The following EEF1AKMT3 variants were observed in gnomAD, a reference collection of about 807,000 sequenced individuals.
The protein encoded by EEF1AKMT3 is EEF1A lysine methyltransferase 3, also known as eEF1A-KMT3.
EEF1AKMT3 carries 17 observed loss-of-function variants against 17.8 expected under a neutral mutation model. The ratio of observed to expected loss-of-function variants is 0.96; its 90% CI spans 0.65 to 1.43. EEF1AKMT3 has a LOEUF of 1.43. EEF1AKMT3 is among the 40% of genes most tolerant of loss of function. EEF1AKMT3 has a pLI of 0.00. For missense variants in EEF1AKMT3, 244 were observed against 285.8 expected, an observed-to-expected ratio of 0.85 and a Z score of 1.06; for synonymous variants, 116 against 126.5, an observed-to-expected ratio of 0.92 and a Z score of 0.56.
In EEF1AKMT3 at chr12:57,773,042, A is replaced by T. The variant is rs763716913; in HGVS notation, c.203A>T (p.Glu68Val). 6.2e-7 allele frequency: 1 copy of T among 1,614,028 alleles called. No individual in the cohort carries two copies. Among genetic ancestry groups the T allele is most frequent in the South Asian group, 1.1e-5 (1 of 91,076 alleles). Residue 68 changes from glutamate (E) to valine (V), a missense_variant, in exon 2 of 3, where the codon GAG (glutamate) becomes GTG (valine). Transcript: ENST00000300209. ...DAALSLCNYF[E>V]SQNVDFRGKK... Reference sequence around the variant, plus strand: ...GCCCTGAGCCTGTGCAATTATTTCGAGAGTCAAAATGTGGATTTCCGAGGC... The same window carrying T: ...GCCCTGAGCCTGTGCAATTATTTCGTGAGTCAAAATGTGGATTTCCGAGGC...
chr12:57,774,949 T>C (rs1388448456), intron 2 of EEF1AKMT3, among the ~76,000 whole-genome samples: 1 of 151,384 alleles, frequency 6.6e-6, no homozygotes, highest in African/African-American at 2.4e-5. Flanking sequence ...CTACTAAAAA[T>C]ACAACATTAG....
intron 2 of EEF1AKMT3, among the ~76,000 whole-genome samples, chr12:57,773,389 A>C (rs1368813215): frequency 6.6e-6 from 1 of 151,622 alleles, no homozygotes; most frequent in Non-Finnish European, 1.5e-5. Context: ...GCCTATAAGA[A>C]GGAGTTGTTT....
intron 2 of EEF1AKMT3, among the ~76,000 whole-genome samples, chr12:57,775,659 C>T (rs927099543): frequency 2.0e-5 from 3 of 152,210 alleles, no homozygotes; most frequent in Non-Finnish European, 2.9e-5. Context: ...GAAGTATTAT[C>T]TTTTCAGCAT....
chr12:57,774,605 T>C, intron 2 of EEF1AKMT3: 1 of 1,084,154 alleles, frequency 9.2e-7, no homozygotes, highest in South Asian at 1.3e-5. Context: ...CAACAATAAA[T>C]AAGACAGATT....
Position 57,781,763 on chromosome 12 carries a change from A to G in EEF1AKMT3, c.*1117A>G, listed in dbSNP as rs1004389212. The G allele has an allele frequency of 2.6e-5, 4 of 151,946 alleles. No individual in the cohort carries two copies. The highest frequency in any genetic ancestry group is 5.9e-5 in the Non-Finnish European group (4 of 68,010). The allele number at this position is 151,946 out of a possible 1,614,324, so 9.4% of individuals were successfully genotyped here. A position where few individuals can be genotyped will look rare whatever the true frequency, so the allele number is the denominator to read the frequency against. On this transcript the variant is annotated 3_prime_UTR_variant, in exon 3 of 3. Coordinates refer to ENST00000300209, the MANE Select transcript of EEF1AKMT3 (RefSeq NM_015433.3). ...GCCTTAACCTCTTTTCTCTTCCCACATTGGTACTTCTGGTTGGGGCTCTCT... is the reference window on the plus strand; with the variant it reads ...GCCTTAACCTCTTTTCTCTTCCCACGTTGGTACTTCTGGTTGGGGCTCTCT...
rs1416639970 is a variant in EEF1AKMT3 at position 57,781,252 on chromosome 12, G to A, written c.*606G>A. On this transcript the variant is annotated 3_prime_UTR_variant, in exon 3 of 3. Coordinates refer to ENST00000300209, the MANE Select transcript of EEF1AKMT3 (RefSeq NM_015433.3). Reference sequence around the variant, plus strand: ...TTTTTGTATTTTCAGTAGAGACAGGGTTTCGCCATGTTGCCCAGGGTGGTC... The same window carrying A: ...TTTTTGTATTTTCAGTAGAGACAGGATTTCGCCATGTTGCCCAGGGTGGTC... 6.5e-6 allele frequency: 1 copy of A among 152,732 alleles called. No homozygotes were observed. Among genetic ancestry groups the A allele is most frequent in the African/African-American group, 2.4e-5 (1 of 41,340 alleles). 9.5% of individuals were successfully genotyped at this position (152,732 alleles called of 1,614,324 possible).
chr12:57,772,722 C>CT lies in EEF1AKMT3; in HGVS notation c.-3_-2insT. On this transcript the variant is annotated 5_prime_UTR_variant, in exon 1 of 3. Coordinates refer to ENST00000300209, the MANE Select transcript of EEF1AKMT3 (RefSeq NM_015433.3). The surrounding 1 kb of genome is among the most constrained non-coding windows in gnomAD (Gnocchi z 4.1). ...GTGCCCAGGCACTCCCTTGGCGGGC[C>CT]GGATGGCGGACCCCGGCCCAGATCC... The CT allele has an allele frequency of 6.2e-7, 1 of 1,611,298 alleles. No homozygotes were observed.
chr12:57,774,721 A>G (rs774003054), intron 2 of EEF1AKMT3: 3 of 1,612,874 alleles, frequency 1.9e-6, no homozygotes, highest in Non-Finnish European at 2.5e-6. Context: ...TGCTCTATCC[A>G]TGTCTACCAT....
At chr12:57,773,791 C>A (rs757941754) in intron 2 of EEF1AKMT3, among the ~76,000 whole-genome samples, 2 of 152,186 alleles carry the variant, frequency 1.3e-5, no homozygotes, top group Non-Finnish European at 2.9e-5. Context: ...ACATGGTCTT[C>A]TGTCAAGATG....
chr12:57,774,309 C>T (rs1227735911), intron 2 of EEF1AKMT3, among the ~76,000 whole-genome samples: 1 of 152,110 alleles, frequency 6.6e-6, no homozygotes, highest in African/African-American at 2.4e-5. Context: ...GGTGAAACCC[C>T]ATCTCTACTA....
intron 2 of EEF1AKMT3, chr12:57,774,736 C>T (rs1391994305): frequency 6.2e-7 from 1 of 1,611,822 alleles, no homozygotes; most frequent in South Asian, 1.1e-5. Context: ...TACCATGACT[C>T]CCTGGGAATC....
Position 57,772,921 on chromosome 12 carries a change from G to T in EEF1AKMT3, c.177+20G>T. 1 of 1,613,408 alleles carries T rather than the reference G, an allele frequency of 6.2e-7. No homozygotes were observed. Among genetic ancestry groups the T allele is most frequent in the African/African-American group, 1.3e-5 (1 of 75,060 alleles). The stretch of plus-strand genomic sequence containing the variant: ...GACGCGGTGAGGAATGGGCTGCGCC[G>T]GGTGAGGGTCCGTGGGAGGTCCAGA... On this transcript the variant is annotated intron_variant, in intron 1 of 2. Transcript: ENST00000300209. The surrounding 1 kb of genome is among the most constrained non-coding windows in gnomAD (Gnocchi z 4.1).
At chr12:57,778,307 T>TTTTTTTTTTC (rs536788916) in intron 2 of EEF1AKMT3, among the ~76,000 whole-genome samples, 2 of 105,314 alleles carry the variant, frequency 1.9e-5, no homozygotes, top group Admixed American at 2.2e-4. Flanking sequence ...TTTTTTTTTT[T>TTTTTTTTTTC]TGAGACAGGT....
chr12:57,780,281 C>A lies in EEF1AKMT3; in HGVS notation c.316C>A (p.Pro106Thr), dbSNP rs750672969. 2 of 1,613,746 alleles carry A rather than the reference C, an allele frequency of 1.2e-6. No homozygotes were observed. Among genetic ancestry groups the A allele is most frequent in the Non-Finnish European group, 1.7e-6 (2 of 1,179,950 alleles). ...QGGDVTITDLPLALEQIQGNV... is the reference protein window; with the variant it reads ...QGGDVTITDLTLALEQIQGNV... ...GGGGGATGTTACCATCACTGACCTG[C>A]CCCTGGCCCTAGAACAGATCCAGGG... The change falls in exon 3 of 3, where the codon CCC becomes ACC. Residue 106 changes from proline (P) to threonine (T), a missense_variant. Transcript: ENST00000300209.
rs765355329 is a variant in EEF1AKMT3 at position 57,780,274 on chromosome 12, T to A, written c.309T>A (p.Thr103=). The change falls in exon 3 of 3, where the codon ACT becomes ACA. Residue 103 remains threonine (T), a synonymous_variant. Coordinates refer to ENST00000300209, the MANE Select transcript of EEF1AKMT3 (RefSeq NM_015433.3). ...TCTCAGGGGGGGATGTTACCATCACTGACCTGCCCCTGGCCCTAGAACAGA... is the reference window on the plus strand; with the variant it reads ...TCTCAGGGGGGGATGTTACCATCACAGACCTGCCCCTGGCCCTAGAACAGA... The part of the protein sequence containing the change: ...AALQGGDVTI[T]DLPLALEQIQ... 2.0e-5 allele frequency: 33 copies of A among 1,613,514 alleles called. No individual in the cohort carries two copies. The African/African-American group carries it at 3.7e-4, about 18-fold the overall frequency.
intron 2 of EEF1AKMT3, among the ~76,000 whole-genome samples, chr12:57,776,238 G>A (rs976067036): frequency 6.6e-6 from 1 of 152,164 alleles, no homozygotes; most frequent in African/African-American, 2.4e-5. Flanking sequence ...CCTATTGCCT[G>A]TCCATCAGTT....
At chr12:57,774,715 C>T (rs1955468948) in intron 2 of EEF1AKMT3, 1 of 1,612,892 alleles carries the variant, frequency 6.2e-7, no homozygotes, top group Non-Finnish European at 8.5e-7. Context: ...TGGACATGCT[C>T]TATCCATGTC....
intron 2 of EEF1AKMT3, among the ~76,000 whole-genome samples, chr12:57,773,970 T>C (rs1225817389): frequency 2.0e-5 from 3 of 152,192 alleles, no homozygotes. Flanking sequence ...GGGTAGGAAT[T>C]AGACACTGCA....
chr12:57,774,962 G>A lies in EEF1AKMT3; in HGVS notation c.289+1834G>A, dbSNP rs151293546. ...CTCTACTAAAAATACAACATTAGCC[G>A]GGTGTGGTGGTGCATGCCTGTAATC... On this transcript the variant is annotated intron_variant, in intron 2 of 2. Transcript: ENST00000300209. 4.2e-3 allele frequency among the ~76,000 whole-genome samples: 633 copies of A among 152,036 alleles called. No individual in the cohort carries two copies. Among genetic ancestry groups the A allele is most frequent in the African/African-American group, 0.014 (597 of 41,460 alleles).
Sources: allele counts gnomAD v4.1 joint callset (sites outside exome capture counted in the v4.1 genomes callset), GRCh38; gene constraint gnomAD v4.1.1; non-coding constraint Gnocchi (gnomAD v3.1); transcripts MANE v1.5; gene names NCBI Gene and HGNC (gene_info 2026-07-23, HGNC 2026-07-21).